The following DACT2 variants were observed in gnomAD, a reference collection of about 807,000 sequenced individuals.
The protein encoded by DACT2 is dishevelled binding antagonist of beta catenin 2.
In DACT2, 20 loss-of-function variants were observed where a neutral mutation model predicts 22.2. The ratio of observed to expected loss-of-function variants is 0.90; its 90% CI spans 0.63 to 1.31. DACT2 has a LOEUF of 1.31. Ranked by LOEUF, DACT2 falls within the 50% of genes most tolerant of loss-of-function variation. The pLI is 0.00. For synonymous variants in DACT2, 463 were observed against 479.8 expected (o/e 0.96, Z 0.46); for missense variants, 1,048 against 1,061.4 (o/e 0.99, Z 0.18).
intron 1 of DACT2, 92 bp from the exon 2 acceptor site, chr6:168,311,376 A>G: frequency 1.4e-6 from 2 of 1,401,158 alleles, no homozygotes; most frequent in Non-Finnish European, 1.9e-6. Context: ...TGTGAATGCA[A>G]TTTAAACTCC....
At chr6:168,309,711 AC>A (rs1219939374) in intron 3 of DACT2, among the ~76,000 whole-genome samples, 1 of 152,220 alleles carries the variant, frequency 6.6e-6, no homozygotes. Flanking sequence ...AATGGTTATT[AC>A]TAAACCAGGC....
At chr6:168,316,102 C>A (rs1293292152) in intron 1 of DACT2, among the ~76,000 whole-genome samples, 3 of 152,210 alleles carry the variant, frequency 2.0e-5, no homozygotes, top group African/African-American at 7.2e-5. Flanking sequence ...ATAAAATAAA[C>A]AAAAATCTGT....
chr6:168,307,334 G>C lies in DACT2; in HGVS notation c.*98C>G. 1 of 1,496,360 alleles carries C rather than the reference G, an allele frequency of 6.7e-7. No homozygotes were observed. Among genetic ancestry groups the C allele is most frequent in the Non-Finnish European group, 8.9e-7 (1 of 1,123,286 alleles). The allele number at this position is 1,496,360 out of a possible 1,614,324, so 92.7% of individuals were successfully genotyped here. A position where few individuals can be genotyped will look rare whatever the true frequency, so the allele number is the denominator to read the frequency against. On this transcript the variant is annotated 3_prime_UTR_variant, in exon 4 of 4. Coordinates refer to ENST00000366795, the MANE Select transcript of DACT2 (RefSeq NM_214462.5). The surrounding 1 kb of genome is among the most constrained non-coding windows in gnomAD (Gnocchi z 5.3). ...AAACGGTGGCCTCGGAAGATAAAGC[G>C]ACTTGGCAAGACGACACTGAAACCC...
At position 168,308,656 on chromosome 6, in the gene DACT2, C is replaced by G. The variant is rs1188825052; in HGVS notation, c.1101G>C (p.Arg367Ser). Residue 367 changes from arginine to serine, a missense_variant, in exon 4 of 4, where the codon AGG (arginine) becomes AGC (serine). Arg to Ser is a moderately radical substitution (Grantham distance 110, BLOSUM62 -1). Transcript: ENST00000366795. ...LRHAASPSPQ[R>S]QGGWSTDGGG... ...CACCGTCTGTACTCCAGCCACCCTG[C>G]CTCTGTGGAGATGGGGACGCTGCAT... 4 of 1,544,670 alleles carry G rather than the reference C, an allele frequency of 2.6e-6. No homozygotes were observed. Among genetic ancestry groups the G allele is most frequent in the Non-Finnish European group, 3.5e-6 (4 of 1,146,974 alleles).
chr6:168,304,111 A>G (rs1393371687), downstream of DACT2, among the ~76,000 whole-genome samples: 1 of 152,228 alleles, frequency 6.6e-6, no homozygotes, highest in Non-Finnish European at 1.5e-5. Flanking sequence ...AGAGAGGGAA[A>G]CAGCTCCTCT....
At chr6:168,312,560 T>C (rs1353802060) in intron 1 of DACT2, among the ~76,000 whole-genome samples, 2 of 152,228 alleles carry the variant, frequency 1.3e-5, no homozygotes, top group East Asian at 3.9e-4. Context: ...TGGCCTCAGC[T>C]TCCCCCACTC....
Position 168,309,076 on chromosome 6 carries a change from C to A in DACT2, c.681G>T (p.Pro227=). 1 of 1,533,132 alleles carries A rather than the reference C, an allele frequency of 6.5e-7. No homozygotes were observed. Among genetic ancestry groups the A allele is most frequent in the Non-Finnish European group, 8.8e-7 (1 of 1,142,514 alleles). The allele number at this position is 1,533,132 out of a possible 1,614,324, so 95.0% of individuals were successfully genotyped here. ...TGGCTTTCTGGAGCCCCGTGTCCGC[C>A]GGCAGGGCTCTGTCAAGATCACCTG... ...VSTGDLDRAL[P]ADTGLQKASA... is the part of the protein sequence containing the mutation. The change falls in exon 4 of 4, where the codon CCG becomes CCT. Residue 227 remains proline, a synonymous_variant. Coordinates refer to ENST00000366795, the MANE Select transcript of DACT2 (RefSeq NM_214462.5).
chr6:168,309,993 G>T (rs1328754780), intron 3 of DACT2, among the ~76,000 whole-genome samples, 175 bp downstream of exon 3: 2 of 152,238 alleles, frequency 1.3e-5, no homozygotes, highest in African/African-American at 2.4e-5. Flanking sequence ...AGCCGCATTT[G>T]GTTCCTGCCT....
At chr6:168,306,271 A>C (rs1339703597), downstream of DACT2, among the ~76,000 whole-genome samples, 1 of 152,202 alleles carries the variant, frequency 6.6e-6, no homozygotes, top group Non-Finnish European at 1.5e-5. Context: ...AATTCTTTTA[A>C]TCTTTCAGGA....
chr6:168,310,171 T>C lies in DACT2; in HGVS notation c.655A>G (p.Thr219Ala). 3 of 1,549,522 alleles carry C rather than the reference T, an allele frequency of 1.9e-6. No individual in the cohort carries two copies. The highest frequency in any genetic ancestry group is 2.6e-6 in the Non-Finnish European group (3 of 1,146,770). ...WGTFWPRPVSTGDLDRALPAD... is the reference protein window; with the variant it reads ...WGTFWPRPVSAGDLDRALPAD... ...ACCTTCCCTGGCAGTTTCTTACCTG[T>C]AGACACAGGCCTGGGCCAGAATGTG... Residue 219 changes from threonine (T) to alanine (A), a missense_variant, in exon 3 of 4, where the codon ACA becomes GCA. Transcript: ENST00000366795.
At chr6:168,310,069 C>T (rs774802761) in intron 3 of DACT2, 99 bp downstream of exon 3, 47 of 1,475,396 alleles carry the variant, frequency 3.2e-5, no homozygotes, top group East Asian at 2.3e-4. Flanking sequence ...CAGCGTGCTC[C>T]GTGTAGGGTC....
chr6:168,293,421 TATG>T (rs1288891222), exon 6 of DACT2: 1 of 154,396 alleles, frequency 6.5e-6, no homozygotes, highest in Non-Finnish European at 1.4e-5. Flanking sequence ...TTCCTTAACT[TATG>T]ATAACATTGT....
rs1406821829 is a variant in DACT2, at chr6:168,311,035, G to A, written c.379+117C>T. ...TGACGAAGCGGCCATCTCCCTGCAC[G>A]GACACTAGGATACCTGGAATGGAAT... On this transcript the variant is annotated intron_variant, in intron 2 of 3. Transcript: ENST00000366795. 9 of 1,332,414 alleles carry A rather than the reference G, an allele frequency of 6.8e-6. No homozygotes were observed. The Admixed American group carries it at 1.2e-4, about 18-fold the overall frequency. The allele number at this position is 1,332,414 out of a possible 1,614,324, so 82.5% of individuals were successfully genotyped here.
chr6:168,309,473 A>ATAGACACAGGGTGCGGGGCCG (rs1554271390), intron 3 of DACT2, among the ~76,000 whole-genome samples: 34 of 63,780 alleles, frequency 5.3e-4, no homozygotes, highest in East Asian at 4.7e-3. Context: ...GCGGGGCCCT[A>ATAGACACAGGGTGCGGGGCCG]TTTGCGCCTG....
chr6:168,307,174 C>T lies in DACT2; in HGVS notation c.*258G>A. On this transcript the variant is annotated 3_prime_UTR_variant, in exon 4 of 4. Transcript: ENST00000366795. This position sits in a 1 kb window ranked among gnomAD's most constrained non-coding sequence, Gnocchi z 5.3. ...GCCGGGAAGCAGCATCCTGGGCAGA[C>T]CTTGAAAAGAGACACTAGGTCGGCC... 7.4e-7 allele frequency: 1 copy of T among 1,343,598 alleles called. No homozygotes were observed. The highest frequency in any genetic ancestry group is 9.5e-7 in the Non-Finnish European group (1 of 1,048,872). The allele number at this position is 1,343,598 out of a possible 1,614,324, so 83.2% of individuals were successfully genotyped here.
intron 1 of DACT2, among the ~76,000 whole-genome samples, chr6:168,314,510 CA>C (rs1779498252): frequency 6.6e-6 from 1 of 152,158 alleles, no homozygotes; most frequent in African/African-American, 2.4e-5. Context: ...CTTAAGACAA[CA>C]AAAAGTTTGA....
In DACT2 at chr6:168,311,287, G is replaced by C. The variant is rs1583300040; in HGVS notation, c.247-3C>G. 6.5e-7 allele frequency: 1 copy of C among 1,540,992 alleles called. No individual in the cohort carries two copies. Among genetic ancestry groups the C allele is most frequent in the Non-Finnish European group, 8.8e-7 (1 of 1,138,000 alleles). On this transcript the variant is annotated splice_region_variant and splice_polypyrimidine_tract_variant and intron_variant, in intron 1 of 3. Coordinates refer to ENST00000366795, the MANE Select transcript of DACT2 (RefSeq NM_214462.5). The stretch of plus-strand genomic sequence containing the variant: ...ATGTCCTGTTGTCTCAGCCGGGACT[G>C]AGAAGGGAAAGAAGAGAAAGGGAAC...
Position 168,307,117 on chromosome 6 carries a change from T to G in DACT2, c.*315A>C. The stretch of plus-strand genomic sequence containing the variant: ...AGGGGAGTGAGGGCAGGGGAAGCCA[T>G]GGGAGGATGACAACATGGAAACAAG... On this transcript the variant is annotated 3_prime_UTR_variant, in exon 4 of 4. Coordinates refer to ENST00000366795, the MANE Select transcript of DACT2 (RefSeq NM_214462.5). This position sits in a 1 kb window ranked among gnomAD's most constrained non-coding sequence, Gnocchi z 5.3. The G allele has an allele frequency of 1.7e-6, 2 of 1,143,416 alleles. No individual in the cohort carries two copies. Among genetic ancestry groups the G allele is most frequent in the Non-Finnish European group, 1.1e-6 (1 of 929,090 alleles). The allele number at this position is 1,143,416 out of a possible 1,614,324, so 70.8% of individuals were successfully genotyped here.
intron 3 of DACT2, among the ~76,000 whole-genome samples, chr6:168,297,900 C>T (rs1408712022): frequency 1.3e-5 from 2 of 152,212 alleles, no homozygotes; most frequent in Non-Finnish European, 1.5e-5. Context: ...GTCGGCGCAG[C>T]CCGGGTGGGT....
Sources: allele counts gnomAD v4.1 joint callset (sites outside exome capture counted in the v4.1 genomes callset), GRCh38; gene constraint gnomAD v4.1.1; non-coding constraint Gnocchi (gnomAD v3.1); transcripts MANE v1.5; gene names NCBI Gene and HGNC (gene_info 2026-07-23, HGNC 2026-07-21).